Variants in CEP250 observed in about 807,000 individuals in gnomAD.
CEP250 encodes centrosomal protein 250, also known as centrosome-associated protein CEP250.
A neutral mutation model predicts 315.7 loss-of-function variants in CEP250; 242 were observed. The ratio of observed to expected loss-of-function variants is 0.77; its 90% CI spans 0.69 to 0.85. The LOEUF (loss-of-function observed/expected upper bound fraction) is 0.85. Among genes scored for constraint, CEP250 ranks in the 40% least tolerant of loss-of-function variants. The probability of loss-of-function intolerance (pLI) is 0.00; values close to 1 mark genes in which losing one functional copy is unlikely to be tolerated. For missense variants in CEP250, 2,515 were observed against 2,886.4 expected, an observed-to-expected ratio of 0.87 and a Z score of 2.95; for synonymous variants, 1,088 against 1,175.0, an observed-to-expected ratio of 0.93 and a Z score of 1.51.
rs2063386900 is a variant in CEP250 at position 35,482,743 on chromosome 20, G to A, written c.2586+2598G>A. On this transcript the variant is annotated intron_variant, in intron 20 of 34. Transcript: ENST00000397527. ...CCCAGCTAATTTTTTTGTATTTTTAGTAGAGATGGGGTTTCACCATGTTGC... is the reference window on the plus strand; with the variant it reads ...CCCAGCTAATTTTTTTGTATTTTTAATAGAGATGGGGTTTCACCATGTTGC... Among the ~76,000 whole-genome samples the A allele has an allele frequency of 1.3e-5, 2 of 149,388 alleles. 1 individual carries two copies. The highest frequency in any genetic ancestry group is 1.3e-4 in the Admixed American group (2 of 14,928).
chr20:35,494,373 A>G (rs2063778732), intron 23 of CEP250, 151 bp from the exon 24 acceptor site: 2 of 987,144 alleles, frequency 2.0e-6, no homozygotes, highest in Non-Finnish European at 3.0e-6. Flanking sequence ...GTGGTTAAGA[A>G]CAGTGTGTAG....
intron 21 of CEP250, 168 bp from the exon 22 acceptor site, chr20:35,491,043 TA>T: frequency 1.2e-6 from 1 of 863,668 alleles, no homozygotes. Context: ...AAACCAGTGG[TA>T]ATCTTTGCAC....
At chr20:35,491,154 C>T (rs41301827) in intron 21 of CEP250, 58 bp from the exon 22 acceptor site, 27,099 of 1,581,892 alleles carry the variant, frequency 0.017, 284 homozygotes, top group Non-Finnish European at 0.021. Flanking sequence ...CTTGTGGCCT[C>T]GTTGGTGAGC....
At chr20:35,474,583 G>C (rs192941226) in intron 14 of CEP250, among the ~76,000 whole-genome samples, 29 of 152,308 alleles carry the variant, frequency 1.9e-4, no homozygotes, top group Admixed American at 1.8e-3. Context: ...GCTGGCTAAA[G>C]GGTAAGACTT....
chr20:35,486,918 A>C (rs1259973742), intron 20 of CEP250, among the ~76,000 whole-genome samples: 1 of 152,210 alleles, frequency 6.6e-6, no homozygotes, highest in Non-Finnish European at 1.5e-5. Context: ...AGATGCTATA[A>C]AACTTCTGAA....
chr20:35,467,168 G>A, intron 8 of CEP250, 96 bp downstream of exon 8: 2 of 1,173,170 alleles, frequency 1.7e-6, no homozygotes, highest in South Asian at 1.4e-5. Flanking sequence ...TGTGGGGGTG[G>A]GGTGGGTGGG....
At chr20:35,479,830 G>C in intron 19 of CEP250, 57 bp downstream of exon 19, 5 of 1,612,114 alleles carry the variant, frequency 3.1e-6, no homozygotes, top group Non-Finnish European at 4.2e-6. Context: ...TGAAAGGCAG[G>C]AAGATGGTGG....
At position 35,504,631 on chromosome 20, in the gene CEP250, G is replaced by A. The variant is rs758018282; in HGVS notation, c.6262G>A (p.Glu2088Lys). Residue 2088 changes from glutamate to lysine, a missense_variant, in exon 30 of 35, where the codon GAG (glutamate) becomes AAG (lysine). By Grantham distance (56) the Glu-to-Lys change is moderately conservative (BLOSUM62 1). Coordinates refer to ENST00000397527, the MANE Select transcript of CEP250 (RefSeq NM_007186.6). Reference sequence around the variant, plus strand: ...TCTGGGGCAAGAGAGAGAAGAGGAGGAGATAAGGGGCCTTCATCAGAGTGT... The same window carrying A: ...TCTGGGGCAAGAGAGAGAAGAGGAGAAGATAAGGGGCCTTCATCAGAGTGT... The part of the protein sequence containing the change: ...QNLGQEREEE[E>K]IRGLHQSVRE... 2.5e-6 allele frequency: 4 copies of A among 1,614,088 alleles called. No individual in the cohort carries two copies. The highest frequency in any genetic ancestry group is 2.2e-5 in the South Asian group (2 of 91,082).
intron 4 of CEP250, 94 bp from the exon 5 acceptor site, chr20:35,463,481 C>G (rs1321399322): frequency 1.9e-6 from 2 of 1,029,396 alleles, no homozygotes; most frequent in Non-Finnish European, 2.8e-6. Context: ...TTCCCCTGTT[C>G]ATAGCAAGTT....
At chr20:35,476,738 T>A in intron 16 of CEP250, 143 bp downstream of exon 16, 1 of 675,894 alleles carries the variant, frequency 1.5e-6, no homozygotes, top group Non-Finnish European at 2.4e-6. Context: ...GGATTGGGCT[T>A]AGCCATTATA....
chr20:35,510,095 A>C (rs185692516), intron 34 of CEP250, 41 bp downstream of exon 34: 2 of 1,583,258 alleles, frequency 1.3e-6, no homozygotes, highest in Non-Finnish European at 1.7e-6. Context: ...CCTCCCTTGC[A>C]CTCAGGCCCT....
rs142254007 is a variant in CEP250 at position 35,501,501 on chromosome 20, T to C, written c.3899-344T>C. ...GTCTCTAGGAGCTCCTGCACAATTA[T>C]AGGACTGGGGGCTAGAAGGAACCTC... On this transcript the variant is annotated intron_variant, in intron 28 of 34. Coordinates refer to ENST00000397527, the MANE Select transcript of CEP250 (RefSeq NM_007186.6). Among the ~76,000 whole-genome samples the C allele has an allele frequency of 5.9e-3, 893 of 152,118 alleles. 5 individuals carry two copies. Among genetic ancestry groups the C allele is most frequent in the Non-Finnish European group, 8.6e-3 (583 of 67,978 alleles).
chr20:35,483,177 G>A (rs542540663), intron 20 of CEP250, among the ~76,000 whole-genome samples: 4 of 151,926 alleles, frequency 2.6e-5, no homozygotes, highest in South Asian at 2.1e-4. Context: ...AAAATTAGCC[G>A]AGTGTGGTAG....
chr20:35,500,336 C>T lies in CEP250; in HGVS notation c.3898+167C>T, dbSNP rs41290922. 3.1e-3 allele frequency among the ~76,000 whole-genome samples: 468 copies of T among 152,318 alleles called. 2 individuals are homozygous for T. Among genetic ancestry groups the T allele is most frequent in the Middle Eastern group, 6.8e-3 (2 of 294 alleles). On this transcript the variant is annotated intron_variant, in intron 28 of 34. Coordinates refer to ENST00000397527, the MANE Select transcript of CEP250 (RefSeq NM_007186.6). ...TGAGTACAATGTCACGACTTCGGCT[C>T]GCTGCAACCTATGTCTTCCGAGCAG...
intron 25 of CEP250, among the ~76,000 whole-genome samples, chr20:35,497,385 A>G (rs991665800): frequency 2.0e-5 from 3 of 152,310 alleles, no homozygotes; most frequent in African/African-American, 2.4e-5. Context: ...CATGGTAGCT[A>G]TGTTATTGTG....
intron 15 of CEP250, 68 bp downstream of exon 15, chr20:35,475,714 T>G: frequency 2.6e-6 from 4 of 1,535,776 alleles, no homozygotes; most frequent in Non-Finnish European, 3.6e-6. Flanking sequence ...GCAGCCTGCC[T>G]CATTCTTCAC....
In CEP250 at chr20:35,503,713, G is replaced by C; in HGVS notation, c.5344G>C (p.Val1782Leu). 2 of 1,614,090 alleles carry C rather than the reference G, an allele frequency of 1.2e-6. No homozygotes were observed. The highest frequency in any genetic ancestry group is 1.7e-6 in the Non-Finnish European group (2 of 1,180,002). ...LLSQREQEIV[V>L]LQQQLQEARE... ...GTCCCAGCGAGAGCAGGAAATAGTG[G>C]TCCTGCAGCAGCAACTGCAGGAAGC... The change falls in exon 30 of 35, where the codon GTC becomes CTC. Residue 1782 changes from valine to leucine, a missense_variant. Physicochemically the swap from Val to Leu is conservative, Grantham distance 32 (BLOSUM62 1). Coordinates refer to ENST00000397527, the MANE Select transcript of CEP250 (RefSeq NM_007186.6). This position sits in a 1 kb window ranked among gnomAD's most constrained non-coding sequence, Gnocchi z 4.2.
At chr20:35,493,624 G>A in intron 23 of CEP250, 52 bp downstream of exon 23, 1 of 1,453,914 alleles carries the variant, frequency 6.9e-7, no homozygotes, top group Non-Finnish European at 9.1e-7. Flanking sequence ...ACACAGCCAG[G>A]CTTTCCCACT....
Position 35,504,384 on chromosome 20 carries a change from G to T in CEP250, c.6015G>T (p.Leu2005=). 1 of 1,601,780 alleles carries T rather than the reference G, an allele frequency of 6.2e-7. No homozygotes were observed. Among genetic ancestry groups the T allele is most frequent in the East Asian group, 2.3e-5 (1 of 44,334 alleles). Residue 2005 remains leucine (L), a synonymous_variant, in exon 30 of 35, where the codon CTG becomes CTT. Transcript: ENST00000397527. ...GCACTGCAACCCTGCAAGCCTCCCT[G>T]GATGCCTGCCAGGCACACAGTCGGC... ...EASTATLQAS[L]DACQAHSRQL... is the part of the protein sequence containing the mutation.
Sources: allele counts gnomAD v4.1 joint callset (sites outside exome capture counted in the v4.1 genomes callset), GRCh38; gene constraint gnomAD v4.1.1; non-coding constraint Gnocchi (gnomAD v3.1); transcripts MANE v1.5; gene names NCBI Gene and HGNC (gene_info 2026-07-23, HGNC 2026-07-21).